Variants in WDR44 observed in about 807,000 individuals in gnomAD.
WDR44 encodes WD repeat domain 44, also known as WD repeat-containing protein 44.
WDR44 carries 9 observed loss-of-function variants against 65.7 expected under a neutral mutation model. The observed-to-expected ratio is 0.14, with a 90% CI of 0.08 to 0.24. The LOEUF is 0.24. Among genes scored for constraint, WDR44 ranks in the 10% least tolerant of loss-of-function variants. WDR44 has a pLI of 1.00. For missense variants in WDR44, 425 were observed against 670.9 expected (o/e 0.63, Z 4.05); for synonymous variants, 220 against 235.2 (o/e 0.94, Z 0.59).
intron 13 of WDR44, among the ~76,000 whole-genome samples, chrX:118,433,943 T>TAA (rs59901409): frequency 0.42 from 46,431 of 109,689 alleles, 10,297 homozygotes; most frequent in African/African-American, 0.84. Flanking sequence ...ATCAAGGATT[T>TAA]AAAACCAAGG....
chrX:118,394,203 C>A lies in WDR44; in HGVS notation c.957+18C>A. ...CCGCCCAGGTTGGTGAATTAGTGTTCTGTTTCATATAGACTTTATCAGCTC... is the reference window on the plus strand; with the variant it reads ...CCGCCCAGGTTGGTGAATTAGTGTTATGTTTCATATAGACTTTATCAGCTC... On this transcript the variant is annotated intron_variant, in intron 5 of 19. Coordinates refer to ENST00000254029, the MANE Select transcript of WDR44 (RefSeq NM_019045.5). 1 of 1,208,377 alleles carries A rather than the reference C, an allele frequency of 8.3e-7. No individual in the cohort carries two copies. Among genetic ancestry groups the A allele is most frequent in the South Asian group, 1.8e-5 (1 of 56,822 alleles).
intron 1 of WDR44, among the ~76,000 whole-genome samples, chrX:118,355,851 G>A (rs1353222343): frequency 9.0e-6 from 1 of 111,505 alleles, no homozygotes; most frequent in African/African-American, 3.3e-5. Flanking sequence ...TATAAGAGGA[G>A]GTAGGTAAGG....
At chrX:118,416,145 T>C (rs2057055352) in intron 12 of WDR44, among the ~76,000 whole-genome samples, 1 of 112,232 alleles carries the variant, frequency 8.9e-6, no homozygotes. Flanking sequence ...TTGTGTTTCA[T>C]TTATCTTTTG....
intron 1 of WDR44, among the ~76,000 whole-genome samples, chrX:118,365,511 AAAAAAAG>A (rs200823283): frequency 0.014 from 1,558 of 110,733 alleles, 28 homozygotes; most frequent in African/African-American, 0.047. Flanking sequence ...TGTCTCCAAA[AAAAAAAG>A]AAAAAAGAAA....
chrX:118,430,595 T>C (rs779999012), intron 12 of WDR44, among the ~76,000 whole-genome samples: 1 of 107,714 alleles, frequency 9.3e-6, no homozygotes, highest in East Asian at 2.9e-4. Flanking sequence ...ATCCCAGCAC[T>C]TTGGGAGGCC....
chrX:118,353,832 G>T (rs747951375), intron 1 of WDR44, among the ~76,000 whole-genome samples: 1 of 112,140 alleles, frequency 8.9e-6, no homozygotes, highest in Non-Finnish European at 1.9e-5. Flanking sequence ...TTGATCATCA[G>T]CAGCTACCAA....
intron 12 of WDR44, among the ~76,000 whole-genome samples, chrX:118,430,868 G>T (rs1169037405): frequency 9.0e-6 from 1 of 111,449 alleles, no homozygotes; most frequent in Non-Finnish European, 1.9e-5. Context: ...AGGGAAGCCT[G>T]TTTAGCTGTA....
intron 2 of WDR44, among the ~76,000 whole-genome samples, 155 bp from the exon 3 acceptor site, chrX:118,387,181 CAAAA>C (rs61229618): frequency 1.3e-4 from 5 of 38,321 alleles, no homozygotes; most frequent in African/African-American, 1.6e-4. Context: ...AACTCTGTCT[CAAAA>C]AAAAAAAAAA....
chrX:118,436,402 A>G lies in WDR44; in HGVS notation c.1852-300A>G, dbSNP rs752976016. 1.6e-3 allele frequency: 477 copies of G among 301,553 alleles called. 2 individuals are homozygous for G. Among genetic ancestry groups the G allele is most frequent in the Middle Eastern group, 4.8e-3 (10 of 2,088 alleles). 24.9% of individuals were successfully genotyped at this position (301,553 alleles called of 1,213,427 possible). ...GTTCCAATATGTGCAGGTGATAACA[A>G]CTAAGGCACACCTTAGTTCTCTGCT... On this transcript the variant is annotated intron_variant, in intron 13 of 19. Coordinates refer to ENST00000254029, the MANE Select transcript of WDR44 (RefSeq NM_019045.5).
intron 1 of WDR44, among the ~76,000 whole-genome samples, chrX:118,372,800 G>A (rs1043113981): frequency 7.1e-5 from 8 of 112,060 alleles, no homozygotes; most frequent in Admixed American, 6.6e-4. Context: ...ATAAGCCACC[G>A]CTTATAGGCT....
At position 118,439,095 on chromosome X, in the gene WDR44, AT is replaced by A. The variant is rs202147333; in HGVS notation, c.1975-2267del. Among the ~76,000 whole-genome samples, 234 of 109,280 alleles carry A rather than the reference AT, an allele frequency of 2.1e-3. 10 individuals carry two copies. The East Asian group carries it at 0.061, about 28-fold the overall frequency. The allele number at this position is 109,280 out of a possible 115,157, so 94.9% of individuals were successfully genotyped here. On this transcript the variant is annotated intron_variant, in intron 14 of 19. Coordinates refer to ENST00000254029, the MANE Select transcript of WDR44 (RefSeq NM_019045.5). ...GCCACTGCGCCTGGCCCAGCCAATGATTTTTTATAGTGCTTTTATTTGGTTT... is the reference window on the plus strand; with the variant it reads ...GCCACTGCGCCTGGCCCAGCCAATGATTTTTATAGTGCTTTTATTTGGTTT...
At chrX:118,404,191 G>A in intron 8 of WDR44, 147 bp from the exon 9 acceptor site, 1 of 424,754 alleles carries the variant, frequency 2.4e-6, no homozygotes, top group South Asian at 4.2e-5. Context: ...CATAGAATAA[G>A]GGATTTGGAA....
intron 12 of WDR44, among the ~76,000 whole-genome samples, chrX:118,413,608 T>G (rs1469565510): frequency 8.9e-6 from 1 of 112,022 alleles, no homozygotes; most frequent in Non-Finnish European, 1.9e-5. Context: ...ATGTATAGAT[T>G]GTGAAGATTT....
At chrX:118,369,461 A>G (rs60146287) in intron 1 of WDR44, among the ~76,000 whole-genome samples, 11,488 of 85,716 alleles carry the variant, frequency 0.13, 827 homozygotes, top group African/African-American at 0.27. Flanking sequence ...GTGAGCCACC[A>G]CGCCCGGCCT....
At chrX:118,366,580 A>G (rs771573942) in intron 1 of WDR44, among the ~76,000 whole-genome samples, 41 of 111,364 alleles carry the variant, frequency 3.7e-4, no homozygotes, top group African/African-American at 1.2e-3. Context: ...ATATCAACTG[A>G]TTGTAATATA....
intron 12 of WDR44, among the ~76,000 whole-genome samples, chrX:118,429,056 G>A (rs1318910109): frequency 9.0e-6 from 1 of 110,783 alleles, no homozygotes; most frequent in Non-Finnish European, 1.9e-5. Flanking sequence ...CTGTCAGGGG[G>A]ATGGGAGGAG....
chrX:118,425,936 G>A (rs934044465), intron 12 of WDR44, among the ~76,000 whole-genome samples: 2 of 111,364 alleles, frequency 1.8e-5, no homozygotes, highest in African/African-American at 6.5e-5. Context: ...TTAGCTGGGT[G>A]TGGTGGCATG....
rs765576527 is a variant in WDR44, at chrX:118,377,453, C to T, written c.78-966C>T. Among the ~76,000 whole-genome samples, 73 of 111,376 alleles carry T rather than the reference C, an allele frequency of 6.6e-4. 1 individual carries two copies. The highest frequency in any genetic ancestry group is 4.6e-3 in the Middle Eastern group (1 of 216). On this transcript the variant is annotated intron_variant, in intron 1 of 19. Coordinates refer to ENST00000254029, the MANE Select transcript of WDR44 (RefSeq NM_019045.5). ...TAATACATATGAAAATTTTCATCCA[C>T]ACTGGAAATCAAAGTACAAATTAAA...
At chrX:118,410,826 G>C in intron 11 of WDR44, 69 bp from the exon 12 acceptor site, 1 of 846,293 alleles carries the variant, frequency 1.2e-6, no homozygotes, top group Non-Finnish European at 1.7e-6. Flanking sequence ...ATTACTTCTG[G>C]ATGTTATATT....
Sources: allele counts gnomAD v4.1 joint callset (sites outside exome capture counted in the v4.1 genomes callset), GRCh38; gene constraint gnomAD v4.1.1; transcripts MANE v1.5; gene names NCBI Gene and HGNC (gene_info 2026-07-23, HGNC 2026-07-21).